KCNJ15: variants seen among roughly 807,000 people sequenced by gnomAD.
The protein encoded by KCNJ15 is potassium inwardly rectifying channel subfamily J member 15.
Under a neutral mutation model 23.0 loss-of-function variants are expected in KCNJ15, and 14 were observed. The ratio of observed to expected loss-of-function variants is 0.61; its 90% CI spans 0.40 to 0.95. KCNJ15 has a LOEUF of 0.95. Among genes scored for constraint, KCNJ15 ranks in the 40% least tolerant of loss-of-function variants. KCNJ15 has a pLI of 0.00. For synonymous variants in KCNJ15, 185 were observed against 183.2 expected, an observed-to-expected ratio of 1.01 and a Z score of -0.08; for missense variants, 388 against 461.8, an observed-to-expected ratio of 0.84 and a Z score of 1.46.
At chr21:38,250,400 A>G (rs1182597395) in intron 1 of KCNJ15, among the ~76,000 whole-genome samples, 1 of 152,216 alleles carries the variant, frequency 6.6e-6, no homozygotes, top group Non-Finnish European at 1.5e-5. Context: ...GCCTAATAAT[A>G]TCACTACATG....
chr21:38,281,910 T>A (rs1458281927), intron 1 of KCNJ15, among the ~76,000 whole-genome samples: 1 of 152,188 alleles, frequency 6.6e-6, no homozygotes, highest in African/African-American at 2.4e-5. Flanking sequence ...TTTCCCTTTC[T>A]TTGCAGCCTT....
At chr21:38,251,382 C>T (rs1373176106) in intron 1 of KCNJ15, among the ~76,000 whole-genome samples, 1 of 152,162 alleles carries the variant, frequency 6.6e-6, no homozygotes, top group African/African-American at 2.4e-5. Context: ...GAAACCGGAT[C>T]ACCGTTGGGT....
intron 1 of KCNJ15, among the ~76,000 whole-genome samples, chr21:38,296,280 T>C (rs1378365247): frequency 1.0e-5 from 1 of 97,210 alleles, no homozygotes; most frequent in Non-Finnish European, 2.5e-5. Flanking sequence ...AATAGATTGA[T>C]AGAAGATAGA....
At position 38,305,584 on chromosome 21, in the gene KCNJ15, G is replaced by A. The variant is rs1385638674; in HGVS notation, c.*5195G>A. On this transcript the variant is annotated 3_prime_UTR_variant, in exon 3 of 3. Coordinates refer to ENST00000398938, the MANE Select transcript of KCNJ15 (RefSeq NM_170736.3). ...GCTAGGGCTGCCAGGCACTCTGTAT[G>A]TGCAGAATATGTCCTATATGGAGTA... The A allele has an allele frequency of 6.6e-6, 1 of 152,254 alleles. No individual in the cohort carries two copies. Among genetic ancestry groups the A allele is most frequent in the Non-Finnish European group, 1.5e-5 (1 of 68,044 alleles). 9.4% of individuals were successfully genotyped at this position (152,254 alleles called of 1,614,324 possible). A position where few individuals can be genotyped will look rare whatever the true frequency, so the allele number is the denominator to read the frequency against.
chr21:38,249,398 G>A (rs144365689), intron 1 of KCNJ15, among the ~76,000 whole-genome samples: 141 of 152,230 alleles, frequency 9.3e-4, no homozygotes, highest in South Asian at 1.5e-3. Context: ...GATTTCAGAA[G>A]GGAAGTAAGC....
intron 1 of KCNJ15, among the ~76,000 whole-genome samples, chr21:38,235,936 T>C (rs1228035052): frequency 6.6e-6 from 1 of 152,212 alleles, no homozygotes; most frequent in Non-Finnish European, 1.5e-5. Flanking sequence ...GAGCTTCAAT[T>C]AGAAATGTTT....
intron 1 of KCNJ15, among the ~76,000 whole-genome samples, chr21:38,287,037 A>G (rs1438326843): frequency 6.6e-6 from 1 of 151,998 alleles, no homozygotes; most frequent in Admixed American, 6.5e-5. Context: ...CAGTACTGTA[A>G]TAGGTGCATT....
rs896834875 is a variant in KCNJ15 at position 38,301,048 on chromosome 21, A to G, written c.*659A>G. Reference sequence around the variant, plus strand: ...TGGGGCTGATGCCATTGTTTCCTCTATTTTATTTTATTTATTTTTGAATCC... The same window carrying G: ...TGGGGCTGATGCCATTGTTTCCTCTGTTTTATTTTATTTATTTTTGAATCC... On this transcript the variant is annotated 3_prime_UTR_variant, in exon 3 of 3. Transcript: ENST00000398938. 1.2e-5 allele frequency: 2 copies of G among 166,792 alleles called. No individual in the cohort carries two copies. The highest frequency in any genetic ancestry group is 4.8e-5 in the African/African-American group (2 of 41,508). The allele number at this position is 166,792 out of a possible 1,614,324, so 10.3% of individuals were successfully genotyped here.
rs182496092 is a variant in KCNJ15 at position 38,304,370 on chromosome 21, G to A, written c.*3981G>A. 3.5e-4 allele frequency: 53 copies of A among 150,882 alleles called. No individual in the cohort carries two copies. Among genetic ancestry groups the A allele is most frequent in the African/African-American group, 1.2e-3 (51 of 41,090 alleles). The allele number at this position is 150,882 out of a possible 1,614,324, so 9.3% of individuals were successfully genotyped here. A position where few individuals can be genotyped will look rare whatever the true frequency, so the allele number is the denominator to read the frequency against. On this transcript the variant is annotated 3_prime_UTR_variant, in exon 3 of 3. Coordinates refer to ENST00000398938, the MANE Select transcript of KCNJ15 (RefSeq NM_170736.3). ...GCGGTGTTTGGTTTTCTGTCCTTGA[G>A]ATAGTTTGCTGAGAATGATGGTTTC...
intron 1 of KCNJ15, among the ~76,000 whole-genome samples, chr21:38,269,379 C>A (rs1244336452): frequency 1.3e-5 from 2 of 152,190 alleles, no homozygotes; most frequent in Admixed American, 1.3e-4. Context: ...ACAAGAGTTG[C>A]AATGTGAAAA....
chr21:38,283,402 T>C (rs1321028907), intron 1 of KCNJ15, among the ~76,000 whole-genome samples: 2 of 152,210 alleles, frequency 1.3e-5, no homozygotes, highest in African/African-American at 2.4e-5. Context: ...TGATCTTACC[T>C]AGAGAGAGAA....
At chr21:38,230,337 T>A (rs1042195678) in intron 1 of KCNJ15, among the ~76,000 whole-genome samples, 5 of 152,184 alleles carry the variant, frequency 3.3e-5, no homozygotes, top group Non-Finnish European at 5.9e-5. Flanking sequence ...TTTGGGTAAA[T>A]GTCTATTTAG....
chr21:38,304,077 G>GA lies in KCNJ15; in HGVS notation c.*3692dup, dbSNP rs1985954928. On this transcript the variant is annotated 3_prime_UTR_variant, in exon 3 of 3. Transcript: ENST00000398938. ...TAACTAGTTTTTTTTTTTTGAACTT[G>GA]AAAATCAGCTTTTTATTTTTTTTAA... The GA allele has an allele frequency of 6.9e-6, 1 of 144,502 alleles. No homozygotes were observed. Among genetic ancestry groups the GA allele is most frequent in the Non-Finnish European group, 1.5e-5 (1 of 66,090 alleles). The allele number at this position is 144,502 out of a possible 1,614,324, so 9.0% of individuals were successfully genotyped here.
At chr21:38,288,780 T>A (rs1489003339) in intron 1 of KCNJ15, among the ~76,000 whole-genome samples, 1 of 152,200 alleles carries the variant, frequency 6.6e-6, no homozygotes, top group Non-Finnish European at 1.5e-5. Flanking sequence ...AAAGGCATGA[T>A]CCAGTCTCAA....
intron 1 of KCNJ15, among the ~76,000 whole-genome samples, chr21:38,280,101 G>T (rs2836275): frequency 0.66 from 100,019 of 151,972 alleles, 33,629 homozygotes; most frequent in Non-Finnish European, 0.73. Context: ...AAAGTGGTTG[G>T]AAGACTGAGT....
At chr21:38,286,721 G>A (rs1029607728) in intron 1 of KCNJ15, among the ~76,000 whole-genome samples, 14 of 152,206 alleles carry the variant, frequency 9.2e-5, no homozygotes, top group Admixed American at 7.2e-4. Context: ...TCCACAGTCA[G>A]ATTTAATCCC....
intron 1 of KCNJ15, among the ~76,000 whole-genome samples, chr21:38,258,914 A>G (rs1384979930): frequency 6.6e-6 from 1 of 152,108 alleles, no homozygotes; most frequent in African/African-American, 2.4e-5. Flanking sequence ...CAACAAAAGC[A>G]GGTCTCTGGG....
intron 1 of KCNJ15, among the ~76,000 whole-genome samples, chr21:38,283,208 A>G (rs570204281): frequency 6.6e-6 from 1 of 152,344 alleles, no homozygotes; most frequent in Non-Finnish European, 1.5e-5. Flanking sequence ...TTCTTTGTGT[A>G]ATATAATACA....
At chr21:38,254,593 A>G (rs887117613), upstream of KCNJ15, among the ~76,000 whole-genome samples, 3 of 152,224 alleles carry the variant, frequency 2.0e-5, no homozygotes, top group Non-Finnish European at 4.4e-5. Flanking sequence ...AGAAGAAGCT[A>G]CATATGCATA....
Sources: gnomAD v4.1 joint callset for allele counts (sites outside exome capture counted in the v4.1 genomes callset) on GRCh38, gnomAD v4.1.1 for gene constraint, MANE v1.5 for transcripts, NCBI Gene and HGNC (gene_info 2026-07-23, HGNC 2026-07-21) for gene names.